The following CADPS variants were observed in gnomAD, a reference collection of about 807,000 sequenced individuals.
CADPS encodes the protein calcium-dependent secretion activator 1.
A neutral mutation model predicts 167.3 loss-of-function variants in CADPS; 57 were observed. The ratio of observed to expected loss-of-function variants is 0.34; its 90% CI spans 0.28 to 0.42. The LOEUF is 0.42. Among genes scored for constraint, CADPS ranks in the 20% least tolerant of loss-of-function variants. The pLI is 1.00. For synonymous variants in CADPS, 676 were observed against 635.3 expected, an observed-to-expected ratio of 1.06 and a Z score of -0.96; for missense variants, 1,414 against 1,738.1, an observed-to-expected ratio of 0.81 and a Z score of 3.32.
chr3:62,499,528 C>G (rs764496089), intron 17 of CADPS: 97 of 271,966 alleles, frequency 3.6e-4, no homozygotes, highest in Non-Finnish European at 6.7e-4. Flanking sequence ...CTATGACAGC[C>G]CATATCAAAT....
intron 5 of CADPS, among the ~76,000 whole-genome samples, chr3:62,648,173 A>G (rs1209506016): frequency 6.6e-6 from 1 of 152,152 alleles, no homozygotes; most frequent in Non-Finnish European, 1.5e-5. Context: ...ACACATTCAC[A>G]AACAGATGTG....
chr3:62,714,046 T>C (rs1175262817), intron 3 of CADPS, among the ~76,000 whole-genome samples: 1 of 152,190 alleles, frequency 6.6e-6, no homozygotes, highest in Non-Finnish European at 1.5e-5. Context: ...CCCCATTTTA[T>C]AGATGAGGCC....
At chr3:62,487,234 G>A (rs1010604743) in intron 21 of CADPS, among the ~76,000 whole-genome samples, 1 of 152,230 alleles carries the variant, frequency 6.6e-6, no homozygotes, top group African/African-American at 2.4e-5. Context: ...GGCAAGGGTG[G>A]TGGAGCTACT....
chr3:62,452,386 C>T lies in CADPS; in HGVS notation c.3637-6589G>A, dbSNP rs1314916655. ...CATTCAACTTTTTAGTTGCACTAGTCGCAGTTGAGAGTACTTGAGAGCTAC... is the reference window on the plus strand; with the variant it reads ...CATTCAACTTTTTAGTTGCACTAGTTGCAGTTGAGAGTACTTGAGAGCTAC... On this transcript the variant is annotated intron_variant, in intron 26 of 29. Coordinates refer to ENST00000383710, the MANE Select transcript of CADPS (RefSeq NM_003716.4). 5.9e-5 allele frequency among the ~76,000 whole-genome samples: 9 copies of T among 152,180 alleles called. No homozygotes were observed. In the East Asian group the frequency reaches 9.7e-4, roughly 16 times the overall value.
At chr3:62,850,624 C>T (rs1424230358) in intron 1 of CADPS, among the ~76,000 whole-genome samples, 1 of 148,348 alleles carries the variant, frequency 6.7e-6, no homozygotes, top group African/African-American at 2.5e-5. Flanking sequence ...TTTGATTGCA[C>T]TGTGGTCTGA....
At chr3:62,821,849 G>C (rs954972114) in intron 1 of CADPS, among the ~76,000 whole-genome samples, 16 of 152,072 alleles carry the variant, frequency 1.1e-4, no homozygotes, top group African/African-American at 3.6e-4. Context: ...CATAAGACCT[G>C]GACTCTTATG....
intron 1 of CADPS, among the ~76,000 whole-genome samples, chr3:62,812,594 G>T (rs2094438287): frequency 6.6e-6 from 1 of 152,180 alleles, no homozygotes; most frequent in South Asian, 2.1e-4. Flanking sequence ...AAAACAACTG[G>T]CATGTGCTGC....
intron 1 of CADPS, among the ~76,000 whole-genome samples, chr3:62,843,140 G>T (rs1366826758): frequency 1.3e-5 from 2 of 152,064 alleles, no homozygotes; most frequent in African/African-American, 4.8e-5. Flanking sequence ...ACATTAACAG[G>T]TGATTTTATG....
chr3:62,448,220 C>T (rs1303507346), intron 26 of CADPS, among the ~76,000 whole-genome samples: 1 of 152,174 alleles, frequency 6.6e-6, no homozygotes, highest in Non-Finnish European at 1.5e-5. Flanking sequence ...CAATTCTTCT[C>T]AGCTAGAAAT....
At chr3:62,836,045 T>C (rs1347809577) in intron 1 of CADPS, among the ~76,000 whole-genome samples, 2 of 152,106 alleles carry the variant, frequency 1.3e-5, no homozygotes, top group Non-Finnish European at 2.9e-5. Context: ...ACTAGTTTTG[T>C]TGAGCACCCT....
chr3:62,436,186 A>C (rs538881122), intron 28 of CADPS, among the ~76,000 whole-genome samples: 42 of 152,278 alleles, frequency 2.8e-4, no homozygotes, highest in African/African-American at 8.2e-4. Flanking sequence ...AATTTCAAAA[A>C]AAGAGAGGCA....
chr3:62,465,861 T>G lies in CADPS; in HGVS notation c.3553-411A>C, dbSNP rs1331408118. On this transcript the variant is annotated intron_variant, in intron 25 of 29. Transcript: ENST00000383710. The surrounding 1 kb of genome is among the most constrained non-coding windows in gnomAD (Gnocchi z 4.1). ...TTTGGGGGAAACAGAAGTTTAGCACTGGCAAATATAAATGTCTTCCCATTC... is the reference window on the plus strand; with the variant it reads ...TTTGGGGGAAACAGAAGTTTAGCACGGGCAAATATAAATGTCTTCCCATTC... Among the ~76,000 whole-genome samples, 3 of 152,242 alleles carry G rather than the reference T, an allele frequency of 2.0e-5. No homozygotes were observed. The highest frequency in any genetic ancestry group is 2.9e-5 in the Non-Finnish European group (2 of 68,034).
intron 3 of CADPS, among the ~76,000 whole-genome samples, chr3:62,742,260 A>G (rs756352105): frequency 6.6e-6 from 1 of 152,184 alleles, no homozygotes; most frequent in Non-Finnish European, 1.5e-5. Flanking sequence ...TTTTTCACAG[A>G]ACTAGAAAAA....
chr3:62,578,541 C>T (rs1253183680), intron 8 of CADPS, among the ~76,000 whole-genome samples: 9 of 139,406 alleles, frequency 6.5e-5, no homozygotes, highest in East Asian at 2.1e-4. Context: ...ACCCGGGAGG[C>T]GGAGCTTGCA....
intron 1 of CADPS, among the ~76,000 whole-genome samples, chr3:62,775,962 C>A (rs189016667): frequency 3.9e-5 from 6 of 152,310 alleles, no homozygotes; most frequent in Admixed American, 1.3e-4. Flanking sequence ...CAGTTTGGCA[C>A]CACTGCCTTG....
intron 6 of CADPS, among the ~76,000 whole-genome samples, chr3:62,637,613 A>G (rs547979193): frequency 6.6e-6 from 1 of 152,342 alleles, no homozygotes; most frequent in East Asian, 1.9e-4. Flanking sequence ...TCCACAAAAC[A>G]ACCGAATTTA....
chr3:62,853,705 A>T (rs958389075), intron 1 of CADPS, among the ~76,000 whole-genome samples: 2 of 152,042 alleles, frequency 1.3e-5, no homozygotes, highest in African/African-American at 4.8e-5. Context: ...TCACGCCTAT[A>T]ATCCCAGCCC....
intron 28 of CADPS, among the ~76,000 whole-genome samples, chr3:62,427,265 A>G (rs2052942178): frequency 6.6e-6 from 1 of 152,118 alleles, no homozygotes; most frequent in South Asian, 2.1e-4. Flanking sequence ...TTAGCTCCTA[A>G]AAACATGTTT....
At chr3:62,768,408 C>T (rs1431186358) in intron 1 of CADPS, among the ~76,000 whole-genome samples, 2 of 152,016 alleles carry the variant, frequency 1.3e-5, no homozygotes, top group African/African-American at 4.8e-5. Context: ...GGCCTATAGA[C>T]CTCGCTTTTG....
Sources: allele counts gnomAD v4.1 joint callset (sites outside exome capture counted in the v4.1 genomes callset), GRCh38; gene constraint gnomAD v4.1.1; non-coding constraint Gnocchi (gnomAD v3.1); transcripts MANE v1.5; gene names NCBI Gene and HGNC (gene_info 2026-07-23, HGNC 2026-07-21).